GET1: variants seen among roughly 807,000 people sequenced by gnomAD.
The protein encoded by GET1 is guided entry of tail-anchored proteins factor 1, also known as congenital heart disease 5 protein.
GET1 carries 20 observed loss-of-function variants against 22.6 expected under a neutral mutation model. That is an observed-to-expected ratio of 0.89 (90% CI 0.62 to 1.29). The LOEUF (loss-of-function observed/expected upper bound fraction) is 1.29. Among genes scored for constraint, GET1 ranks in the 50% most tolerant of loss-of-function variants. The pLI is 0.00. For missense variants in GET1, 209 were observed against 219.9 expected, an observed-to-expected ratio of 0.95 and a Z score of 0.31; for synonymous variants, 92 against 83.8, an observed-to-expected ratio of 1.10 and a Z score of -0.53.
chr21:39,425,867 C>A (rs1367056820), intron 1 of GET1: 3 of 152,190 alleles, frequency 2.0e-5, no homozygotes, highest in Non-Finnish European at 4.4e-5. Flanking sequence ...ATGCCATGCT[C>A]AAGTGATGGG....
At chr21:39,426,401 T>A (rs1304336973) in intron 1 of GET1, among the ~76,000 whole-genome samples, 1 of 152,222 alleles carries the variant, frequency 6.6e-6, no homozygotes, top group African/African-American at 2.4e-5. Context: ...CCCTCTTGCA[T>A]GATCCCACAA....
chr21:39,419,544 A>G (rs2041927670), intron 1 of GET1, among the ~76,000 whole-genome samples: 1 of 151,314 alleles, frequency 6.6e-6, no homozygotes, highest in Non-Finnish European at 1.5e-5. Flanking sequence ...AAGAAAAAAG[A>G]AAAAAGAAAG....
downstream of GET1, among the ~76,000 whole-genome samples, chr21:39,399,120 G>A (rs1458173566): frequency 2.6e-5 from 4 of 152,230 alleles, no homozygotes; most frequent in Non-Finnish European, 2.9e-5. Flanking sequence ...TGCATCTTAC[G>A]ACTCTTGTCC....
Position 39,396,947 on chromosome 21 carries a change from G to A in GET1, c.*8G>A. On this transcript the variant is annotated 3_prime_UTR_variant, in exon 5 of 5. Transcript: ENST00000649170. ...CTTCATCCGTTCAGCTGAACAGGAG[G>A]ATGGATACAGCCGCGAGGCTAAAAA... 3.1e-6 allele frequency: 5 copies of A among 1,613,964 alleles called. No homozygotes were observed. Among genetic ancestry groups the A allele is most frequent in the Non-Finnish European group, 3.4e-6 (4 of 1,179,966 alleles).
intron 1 of GET1, among the ~76,000 whole-genome samples, chr21:39,427,578 C>T (rs956668908): frequency 6.6e-6 from 1 of 150,830 alleles, no homozygotes; most frequent in Non-Finnish European, 1.5e-5. Context: ...AGGAGAATGG[C>T]GTGAACCCGG....
chr21:39,382,468 A>T (rs2037613621), intron 1 of GET1, among the ~76,000 whole-genome samples: 1 of 152,218 alleles, frequency 6.6e-6, no homozygotes, highest in Non-Finnish European at 1.5e-5. Context: ...GCCTCTGTGA[A>T]TTTGACTACT....
chr21:39,427,647 A>C (rs2074991083), intron 1 of GET1: 1 of 150,516 alleles, frequency 6.6e-6, no homozygotes, highest in Non-Finnish European at 1.5e-5. Flanking sequence ...GGGTAACCAG[A>C]GCAAGACTCT....
chr21:39,397,684 T>C lies in GET1; in HGVS notation c.*745T>C, dbSNP rs2038729064. On this transcript the variant is annotated 3_prime_UTR_variant, in exon 5 of 5. Coordinates refer to ENST00000649170, the MANE Select transcript of GET1 (RefSeq NM_004627.6). ...CACAGAAAACAAACCTTATAAGTCCTGATTAATCTGAACCAATAACCTGTG... is the reference window on the plus strand; with the variant it reads ...CACAGAAAACAAACCTTATAAGTCCCGATTAATCTGAACCAATAACCTGTG... 1.3e-5 allele frequency: 1 copy of C among 78,204 alleles called. No individual in the cohort carries two copies. The highest frequency in any genetic ancestry group is 4.0e-5 in the African/African-American group (1 of 25,282). The allele number at this position is 78,204 out of a possible 1,614,324, so 4.8% of individuals were successfully genotyped here. A position where few individuals can be genotyped will look rare whatever the true frequency, so the allele number is the denominator to read the frequency against.
rs749068083 is a variant in GET1, at chr21:39,411,793, G to C, written c.*23+856G>C. 3.2e-5 allele frequency: 51 copies of C among 1,580,524 alleles called. No homozygotes were observed. The highest frequency in any genetic ancestry group is 4.2e-5 in the Non-Finnish European group (49 of 1,158,738). Reference sequence around the variant, plus strand: ...TAGATGTTTTTAATTTCAAGCTCACGATCCTTTTCCTAAAAAGAACCACAA... The same window carrying C: ...TAGATGTTTTTAATTTCAAGCTCACCATCCTTTTCCTAAAAAGAACCACAA... On this transcript the variant is annotated intron_variant, in intron 1 of 1. Coordinates refer to the GET1 transcript ENST00000478273.
intron 1 of GET1, among the ~76,000 whole-genome samples, chr21:39,381,074 A>G (rs1409173466): frequency 6.6e-6 from 1 of 152,140 alleles, no homozygotes; most frequent in Non-Finnish European, 1.5e-5. Context: ...GGCGAGTATT[A>G]TCATCCCACC....
chr21:39,398,372 A>G (rs1020112512), downstream of GET1, among the ~76,000 whole-genome samples: 2 of 152,204 alleles, frequency 1.3e-5, no homozygotes, highest in Admixed American at 6.5e-5. Flanking sequence ...GAGCGTGCCC[A>G]GGGAACTGCT....
At chr21:39,406,717 G>A, downstream of GET1, 3 of 826,266 alleles carry the variant, frequency 3.6e-6, no homozygotes, top group Non-Finnish European at 5.7e-6. Flanking sequence ...CAAGCACACT[G>A]AAATGACAGA....
intron 1 of GET1, chr21:39,420,833 T>C: frequency 6.2e-7 from 1 of 1,612,768 alleles, no homozygotes; most frequent in East Asian, 2.2e-5. Flanking sequence ...CCTCAGTTGT[T>C]TTTCCAAGCT....
rs2038704961 is a variant in GET1 at position 39,397,086 on chromosome 21, TGA to T, written c.*153_*154del. On this transcript the variant is annotated 3_prime_UTR_variant, in exon 5 of 5. Coordinates refer to ENST00000649170, the MANE Select transcript of GET1 (RefSeq NM_004627.6). ...TGAATATGTTTGTTCTTGGACTTTA[TGA>T]GAGAGTCTTATAAGAATCACGATTT... 1.2e-6 allele frequency: 1 copy of T among 831,792 alleles called. No individual in the cohort carries two copies. Among genetic ancestry groups the T allele is most frequent in the African/African-American group, 1.7e-5 (1 of 57,842 alleles). The allele number at this position is 831,792 out of a possible 1,614,324, so 51.5% of individuals were successfully genotyped here. A position where few individuals can be genotyped will look rare whatever the true frequency, so the allele number is the denominator to read the frequency against.
chr21:39,403,384 T>C (rs1040875692), intron 4 of GET1, among the ~76,000 whole-genome samples: 3 of 152,198 alleles, frequency 2.0e-5, no homozygotes, highest in South Asian at 2.1e-4. Context: ...TGGAGTGCAG[T>C]GGTGCGATCT....
chr21:39,411,610 G>T, downstream of GET1: 1 of 524,238 alleles, frequency 1.9e-6, no homozygotes. Flanking sequence ...GTATTTTAAT[G>T]CCTAATGAAG....
chr21:39,403,627 T>A (rs2038900631), intron 4 of GET1, among the ~76,000 whole-genome samples: 2 of 115,812 alleles, frequency 1.7e-5, no homozygotes, highest in African/African-American at 5.1e-5. Flanking sequence ...ATTTTTATTT[T>A]TATTTTTTTT....
At chr21:39,411,922 G>C in intron 1 of GET1, 1 of 594,958 alleles carries the variant, frequency 1.7e-6, no homozygotes, top group Non-Finnish European at 3.0e-6. Context: ...GATTTTAGAA[G>C]AAACAGAAAT....
At chr21:39,396,490 T>C (rs1215096983) in intron 4 of GET1, among the ~76,000 whole-genome samples, 1 of 151,262 alleles carries the variant, frequency 6.6e-6, no homozygotes, top group East Asian at 1.9e-4. Context: ...ATCGCGCCAC[T>C]GTACTCCCAC....
Sources: allele counts gnomAD v4.1 joint callset (sites outside exome capture counted in the v4.1 genomes callset), GRCh38; gene constraint gnomAD v4.1.1; transcripts MANE v1.5; gene names NCBI Gene and HGNC (gene_info 2026-07-23, HGNC 2026-07-21).